TUBG2: variants seen among roughly 807,000 people sequenced by gnomAD.
TUBG2 encodes tubulin gamma-2 chain.
In TUBG2, 39 loss-of-function variants were observed where a neutral mutation model predicts 55.1. The ratio of observed to expected loss-of-function variants is 0.71; its 90% CI spans 0.55 to 0.93. The LOEUF is 0.93. TUBG2 is among the 40% of genes least tolerant of loss of function. The probability of loss-of-function intolerance (pLI) is 0.00; values close to 1 mark genes in which losing one functional copy is unlikely to be tolerated. For synonymous variants in TUBG2, 223 were observed against 241.0 expected (o/e 0.93, Z 0.69); for missense variants, 358 against 599.1 (o/e 0.60, Z 4.20).
At position 42,665,473 on chromosome 17, in the gene TUBG2, C is replaced by A. The variant is rs757226886; in HGVS notation, c.607-3C>A. ...ATGCTGTGATGCTCTTCTGTCCCCC[C>A]AGGTGGTGCTGGACAACACAGCCCT... On this transcript the variant is annotated splice_region_variant and splice_polypyrimidine_tract_variant and intron_variant, in intron 6 of 10. Coordinates refer to ENST00000251412, the MANE Select transcript of TUBG2 (RefSeq NM_016437.3). 3 of 1,614,048 alleles carry A rather than the reference C, an allele frequency of 1.9e-6. No individual in the cohort carries two copies. In the South Asian group the frequency reaches 3.3e-5, roughly 18 times the overall value.
chr17:42,665,668 C>T lies in TUBG2; in HGVS notation c.694-10C>T, dbSNP rs375012580. 5.6e-6 allele frequency: 9 copies of T among 1,614,058 alleles called. No homozygotes were observed. Among genetic ancestry groups the T allele is most frequent in the Non-Finnish European group, 7.6e-6 (9 of 1,180,034 alleles). ...GGCCGAGCCCCATGACATGGCACGC[C>T]TGTCCCCAGGTGTCCACCATCATGT... is the stretch of plus-strand genomic sequence containing the variant. On this transcript the variant is annotated splice_polypyrimidine_tract_variant and intron_variant, in intron 7 of 10. Transcript: ENST00000251412.
chr17:42,660,135 A>T lies in TUBG2; in HGVS notation c.163-14A>T. 6.4e-7 allele frequency: 1 copy of T among 1,550,776 alleles called. No individual in the cohort carries two copies. Among genetic ancestry groups the T allele is most frequent in the Non-Finnish European group, 8.8e-7 (1 of 1,137,086 alleles). On this transcript the variant is annotated splice_polypyrimidine_tract_variant and intron_variant, in intron 2 of 10. Coordinates refer to ENST00000251412, the MANE Select transcript of TUBG2 (RefSeq NM_016437.3). The stretch of plus-strand genomic sequence containing the variant: ...CCTAGCTGATTGGGCCCCCTCCTGG[A>T]CTCCCCTTGACAGGCAGACGATGAG...
In TUBG2 at chr17:42,665,571, C is replaced by T; in HGVS notation, c.693+9C>T. 6.2e-7 allele frequency: 1 copy of T among 1,614,188 alleles called. No homozygotes were observed. The highest frequency in any genetic ancestry group is 8.5e-7 in the Non-Finnish European group (1 of 1,180,036). ...CCCAGATCAACCAGCTGGTGGGCCC[C>T]CACTCCCGGACTCCTTTGGACTGGA... On this transcript the variant is annotated intron_variant, in intron 7 of 10. Coordinates refer to ENST00000251412, the MANE Select transcript of TUBG2 (RefSeq NM_016437.3).
In TUBG2 at chr17:42,659,444, C is replaced by T; in HGVS notation, c.-60C>T. ...ACGTCCTGCGCTCCTGGCTGCCGGG[C>T]ATTCGTCTCAGCCGTGACTCTCGCC... On this transcript the variant is annotated 5_prime_UTR_variant, in exon 1 of 11. Transcript: ENST00000251412. 1 of 1,511,070 alleles carries T rather than the reference C, an allele frequency of 6.6e-7. No individual in the cohort carries two copies. The highest frequency in any genetic ancestry group is 1.2e-5 in the South Asian group (1 of 81,410). 93.6% of individuals were successfully genotyped at this position (1,511,070 alleles called of 1,614,324 possible).
intron 4 of TUBG2, 82 bp downstream of exon 4, chr17:42,660,789 A>C: frequency 8.4e-7 from 1 of 1,187,332 alleles, no homozygotes; most frequent in Non-Finnish European, 1.2e-6. Flanking sequence ...CTGGATAGGT[A>C]ATATGAGGGG....
Position 42,666,762 on chromosome 17 carries a change from C to A in TUBG2, c.1318C>A (p.Gln440Lys), listed in dbSNP as rs1567951949. ...ELIDEYHAAT[Q>K]PDYISWGTQE... ...CATTGATGAGTACCATGCGGCCACC[C>A]AGCCAGACTACATTTCCTGGGGCAC... Residue 440 changes from glutamine (Q) to lysine (K), a missense_variant, in exon 11 of 11, where the codon CAG (glutamine) becomes AAG (lysine). By Grantham distance (53) the Gln-to-Lys change is moderately conservative (BLOSUM62 1). Around this residue, in one of 8 missense-constraint regions of TUBG2, gnomAD observed 54 missense variants for 50.2 expected, o/e 1.08. Transcript: ENST00000251412. 6.2e-7 allele frequency: 1 copy of A among 1,614,132 alleles called. No homozygotes were observed. Among genetic ancestry groups the A allele is most frequent in the Admixed American group, 1.7e-5 (1 of 60,018 alleles).
intron 4 of TUBG2, among the ~76,000 whole-genome samples, chr17:42,661,842 A>G (rs1302356284): frequency 6.6e-6 from 1 of 152,242 alleles, no homozygotes; most frequent in Non-Finnish European, 1.5e-5. Context: ...ACCTCGATTT[A>G]TAGCTGGTTG....
In TUBG2 at chr17:42,660,883, G is replaced by C. The variant is rs2052367382; in HGVS notation, c.399+176G>C. 5.0e-6 allele frequency: 3 copies of C among 599,864 alleles called. No individual in the cohort carries two copies. The South Asian group carries it at 5.9e-5, about 12-fold the overall frequency. The allele number at this position is 599,864 out of a possible 1,614,324, so 37.2% of individuals were successfully genotyped here. A position where few individuals can be genotyped will look rare whatever the true frequency, so the allele number is the denominator to read the frequency against. On this transcript the variant is annotated intron_variant, in intron 4 of 10. Coordinates refer to ENST00000251412, the MANE Select transcript of TUBG2 (RefSeq NM_016437.3). ...AGATATAATCTTTGTTCTCAAGGAA[G>C]TCATAAATCTGAATGGCACCGGCCC... is the stretch of plus-strand genomic sequence containing the variant.
Position 42,663,025 on chromosome 17 carries a change from C to T in TUBG2, c.452C>T (p.Ser151Phe), listed in dbSNP as rs755576671. ...GGGGGTACGGGTTCTGGCCTGGGCT[C>T]CTACCTCCTGGAGCGACTGAATGAC... ...IAGGTGSGLG[S>F]YLLERLNDRY... is the part of the protein sequence containing the mutation. The change falls in exon 5 of 11, where the codon TCC becomes TTC. Residue 151 changes from serine to phenylalanine, a missense_variant. By Grantham distance (155) the Ser-to-Phe change is radical (BLOSUM62 -2). Transcript: ENST00000251412. 23 of 1,614,010 alleles carry T rather than the reference C, an allele frequency of 1.4e-5. No homozygotes were observed. Among genetic ancestry groups the T allele is most frequent in the Non-Finnish European group, 1.8e-5 (21 of 1,180,014 alleles).
rs2052559751 is a variant in TUBG2, at chr17:42,666,783, G to C, written c.1339G>C (p.Gly447Arg). Residue 447 changes from glycine (G) to arginine (R), a missense_variant, in exon 11 of 11, where the codon GGC becomes CGC. Gly to Arg is a moderately radical substitution (Grantham distance 125, BLOSUM62 -2). This residue lies in a region of TUBG2 where 54 missense variants were observed against 50.2 expected (regional missense o/e 1.08). Coordinates refer to ENST00000251412, the MANE Select transcript of TUBG2 (RefSeq NM_016437.3). ...AATQPDYISW[G>R]TQEQ ...CACCCAGCCAGACTACATTTCCTGG[G>C]GCACCCAGGAGCAGTGATTTCCCTC... 6.2e-7 allele frequency: 1 copy of C among 1,613,898 alleles called. No individual in the cohort carries two copies. The highest frequency in any genetic ancestry group is 8.5e-7 in the Non-Finnish European group (1 of 1,180,014).
rs530000211 is a variant in TUBG2, at chr17:42,660,268, G to A, written c.282G>A (p.Ser94=). Residue 94 remains serine (S), a synonymous_variant, in exon 3 of 11, where the codon TCG becomes TCA. Coordinates refer to ENST00000251412, the MANE Select transcript of TUBG2 (RefSeq NM_016437.3). The part of the protein sequence containing the change: ...KLYNPENIYL[S]EHGGGAGNNW... Reference sequence around the variant, plus strand: ...ACAACCCAGAGAACATCTACCTGTCGGAACATGGAGGAGGAGCTGGCAACA... The same window carrying A: ...ACAACCCAGAGAACATCTACCTGTCAGAACATGGAGGAGGAGCTGGCAACA... 2.5e-6 allele frequency: 4 copies of A among 1,613,964 alleles called. No individual in the cohort carries two copies. Among genetic ancestry groups the A allele is most frequent in the African/African-American group, 1.3e-5 (1 of 74,936 alleles).
chr17:42,663,084 C>T lies in TUBG2; in HGVS notation c.479+32C>T, dbSNP rs762176273. 3 of 1,600,082 alleles carry T rather than the reference C, an allele frequency of 1.9e-6. No homozygotes were observed. In the Admixed American group the frequency reaches 5.1e-5, roughly 27 times the overall value. On this transcript the variant is annotated intron_variant, in intron 5 of 10. Transcript: ENST00000251412. ...CTGTGTTTGGGGAGAGGGCATTAAC[C>T]CTGGTTCCCTGAGTAATGTCATTGC...
At chr17:42,663,577 G>C in intron 6 of TUBG2, 74 bp downstream of exon 6, 1 of 1,570,902 alleles carries the variant, frequency 6.4e-7, no homozygotes, top group South Asian at 1.2e-5. Flanking sequence ...GGAGGCCTAG[G>C]CAGATGGATT....
Position 42,659,500 on chromosome 17 carries a change from A to G in TUBG2, c.-4A>G. 1 of 1,551,246 alleles carries G rather than the reference A, an allele frequency of 6.4e-7. No individual in the cohort carries two copies. Among genetic ancestry groups the G allele is most frequent in the Admixed American group, 2.0e-5 (1 of 50,788 alleles). ...GGGGCTGGCGCGCCCACGTCTGAAGAGCGATGCCCCGGGAGATCATCACCC... is the reference window on the plus strand; with the variant it reads ...GGGGCTGGCGCGCCCACGTCTGAAGGGCGATGCCCCGGGAGATCATCACCC... On this transcript the variant is annotated 5_prime_UTR_variant, in exon 1 of 11. Transcript: ENST00000251412.
chr17:42,665,387 G>A, intron 6 of TUBG2, 89 bp from the exon 7 acceptor site: 1 of 1,594,124 alleles, frequency 6.3e-7, no homozygotes, highest in South Asian at 1.1e-5. Context: ...CTACTTCCTG[G>A]CTTTGGAGTT....
At position 42,666,653 on chromosome 17, in the gene TUBG2, C is replaced by T; in HGVS notation, c.1209C>T (p.Ala403=). The change falls in exon 11 of 11, where the codon GCC becomes GCT. Residue 403 remains alanine (A), a synonymous_variant. Transcript: ENST00000251412. ...TTGACAAGCTGCGGAAGCGGGATGC[C>T]TTCCTCGAGCAGTTCCGTAAGGAGG... is the stretch of plus-strand genomic sequence containing the variant. ...QQFDKLRKRD[A]FLEQFRKEDM... 6.2e-7 allele frequency: 1 copy of T among 1,614,200 alleles called. No homozygotes were observed. The highest frequency in any genetic ancestry group is 8.5e-7 in the Non-Finnish European group (1 of 1,180,026).
In TUBG2 at chr17:42,665,459, C is replaced by T. The variant is rs1417736074; in HGVS notation, c.607-17C>T. On this transcript the variant is annotated splice_polypyrimidine_tract_variant and intron_variant, in intron 6 of 10. Coordinates refer to ENST00000251412, the MANE Select transcript of TUBG2 (RefSeq NM_016437.3). ...ATTTTATCCTCAAGATGCTGTGATGCTCTTCTGTCCCCCCAGGTGGTGCTG... is the reference window on the plus strand; with the variant it reads ...ATTTTATCCTCAAGATGCTGTGATGTTCTTCTGTCCCCCCAGGTGGTGCTG... The T allele has an allele frequency of 3.7e-6, 6 of 1,614,070 alleles. No individual in the cohort carries two copies. Among genetic ancestry groups the T allele is most frequent in the African/African-American group, 1.3e-5 (1 of 74,992 alleles).
intron 4 of TUBG2, 37 bp downstream of exon 4, chr17:42,660,744 G>A: frequency 6.2e-7 from 1 of 1,600,278 alleles, no homozygotes. Flanking sequence ...TGGGCAGGGA[G>A]GCCGAAGAGT....
intron 8 of TUBG2, 48 bp from the exon 9 acceptor site, chr17:42,666,039 G>C (rs777425561): frequency 3.1e-6 from 5 of 1,613,130 alleles, no homozygotes; most frequent in Non-Finnish European, 3.4e-6. Context: ...AAGCCAAAGG[G>C]ACTGTGCCCT....
Sources: gnomAD v4.1 joint callset for allele counts (sites outside exome capture counted in the v4.1 genomes callset) on GRCh38, gnomAD v4.1.1 for gene constraint, gnomAD v4.1.1 regional missense constraint, MANE v1.5 for transcripts, NCBI Gene and HGNC (gene_info 2026-07-23, HGNC 2026-07-21) for gene names.